The following LRP1B variants were observed in gnomAD, a reference collection of about 807,000 sequenced individuals.
The protein encoded by LRP1B is LDL receptor related protein 1B.
In LRP1B, 217 loss-of-function variants were observed where a neutral mutation model predicts 556.6. That is an observed-to-expected ratio of 0.39 (90% confidence interval 0.35 to 0.44). The LOEUF (loss-of-function observed/expected upper bound fraction) is 0.44. LRP1B is among the 20% of genes least tolerant of loss of function. The pLI is 1.00. For missense variants in LRP1B, 5,053 were observed against 5,620.8 expected, an observed-to-expected ratio of 0.90 and a Z score of 3.23; for synonymous variants, 2,047 against 1,865.8, an observed-to-expected ratio of 1.10 and a Z score of -2.50.
chr2:140,897,587 C>T (rs1693989060), intron 23 of LRP1B, among the ~76,000 whole-genome samples: 1 of 152,172 alleles, frequency 6.6e-6, no homozygotes, highest in Admixed American at 6.5e-5. Context: ...GGCAGACCAA[C>T]CTTTAATCTG....
intron 1 of LRP1B, among the ~76,000 whole-genome samples, chr2:142,123,636 G>A (rs1707535062): frequency 6.6e-6 from 1 of 150,788 alleles, no homozygotes; most frequent in Non-Finnish European, 1.5e-5. Context: ...AAGGCAACAT[G>A]ATCTATCTTC....
intron 1 of LRP1B, among the ~76,000 whole-genome samples, chr2:141,957,139 A>G (rs1164427758): frequency 6.6e-6 from 1 of 151,858 alleles, no homozygotes; most frequent in African/African-American, 2.4e-5. Context: ...GTCATTATAT[A>G]TTTGTATACT....
intron 1 of LRP1B, among the ~76,000 whole-genome samples, chr2:142,108,956 G>A (rs1706862094): frequency 6.6e-6 from 1 of 152,138 alleles, no homozygotes; most frequent in African/African-American, 2.4e-5. Flanking sequence ...ACTAAAGTCA[G>A]ATCACTTGTA....
Position 141,493,472 on chromosome 2 carries a change from G to A in LRP1B, c.206-12939C>T, listed in dbSNP as rs80136048. 8.1e-3 allele frequency among the ~76,000 whole-genome samples: 1,228 copies of A among 152,264 alleles called. 22 individuals carry two copies. The highest frequency in any genetic ancestry group is 0.028 in the African/African-American group (1,151 of 41,542). On this transcript the variant is annotated intron_variant, in intron 2 of 90. Transcript: ENST00000389484. ...GATGAAATATACTGTACAGGTCATA[G>A]CTTTTACCAACAGCCATAAATAGGC...
intron 43 of LRP1B, among the ~76,000 whole-genome samples, chr2:140,582,863 C>T (rs189747508): frequency 6.6e-6 from 1 of 152,224 alleles, no homozygotes; most frequent in African/African-American, 2.4e-5. Context: ...TTTAATTTTC[C>T]AACCATTCAG....
rs377589649 is a variant in LRP1B at position 140,404,743 on chromosome 2, T to G, written c.10415-18734A>C. Among the ~76,000 whole-genome samples, 7 of 152,182 alleles carry G rather than the reference T, an allele frequency of 4.6e-5. No homozygotes were observed. In the East Asian group the frequency reaches 9.7e-4, roughly 21 times the overall value. ...CAAGATAAGGGGTAAAAAACAATAT[T>G]CCACACAAATGGAAACCAAAAGGGA... On this transcript the variant is annotated intron_variant, in intron 66 of 90. Coordinates refer to ENST00000389484, the MANE Select transcript of LRP1B (RefSeq NM_018557.3).
intron 2 of LRP1B, among the ~76,000 whole-genome samples, chr2:141,685,107 T>C (rs1241956436): frequency 6.6e-6 from 1 of 152,060 alleles, no homozygotes; most frequent in Non-Finnish European, 1.5e-5. Context: ...TTCTTTTTCC[T>C]TTTGTTTTCT....
At chr2:140,365,918 C>A (rs1558832343) in intron 71 of LRP1B, among the ~76,000 whole-genome samples, 1 of 151,676 alleles carries the variant, frequency 6.6e-6, no homozygotes, top group Non-Finnish European at 1.5e-5. Context: ...AGCCATTGTT[C>A]CTTTTGCAGA....
intron 86 of LRP1B, among the ~76,000 whole-genome samples, chr2:140,265,091 G>A (rs1389694124): frequency 2.0e-5 from 3 of 150,088 alleles, no homozygotes; most frequent in African/African-American, 7.5e-5. Context: ...TGCTGGGGAT[G>A]TAAGTTTACA....
In LRP1B at chr2:141,013,973, T is replaced by C. The variant is rs116111757; in HGVS notation, c.2191-228A>G. 9.8e-3 allele frequency among the ~76,000 whole-genome samples: 1,496 copies of C among 152,222 alleles called. 25 individuals are homozygous for C. The highest frequency in any genetic ancestry group is 0.033 in the African/African-American group (1,374 of 41,586). On this transcript the variant is annotated intron_variant, in intron 13 of 90. Transcript: ENST00000389484. ...TTTTATCTAAACCATTTATTATTTA[T>C]TATTAAACCATCTATTTTATCAATG...
chr2:141,261,510 G>A lies in LRP1B; in HGVS notation c.344-6869C>T, dbSNP rs76263098. 5.5e-4 allele frequency among the ~76,000 whole-genome samples: 83 copies of A among 152,168 alleles called. 2 individuals carry two copies. The East Asian group carries it at 0.016, about 29-fold the overall frequency. On this transcript the variant is annotated intron_variant, in intron 3 of 90. Transcript: ENST00000389484. ...AAAATACCCCCTTTGCACCTCTACA[G>A]TCAACCCATTGCCCTGCTGACAATT...
chr2:140,847,070 C>T (rs1205180599), intron 29 of LRP1B, among the ~76,000 whole-genome samples: 3 of 152,276 alleles, frequency 2.0e-5, no homozygotes, highest in Admixed American at 2.0e-4. Context: ...TGTTCTTACT[C>T]TTTGATATCT....
At chr2:141,062,030 G>A (rs771505654) in intron 8 of LRP1B, 21 bp downstream of exon 8, 3 of 1,593,012 alleles carry the variant, frequency 1.9e-6, no homozygotes, top group Admixed American at 3.3e-5. Context: ...TAGGAGCGTT[G>A]TCTAACAAAA....
chr2:140,860,347 T>C (rs996219308), intron 27 of LRP1B, among the ~76,000 whole-genome samples: 1 of 152,210 alleles, frequency 6.6e-6, no homozygotes, highest in African/African-American at 2.4e-5. Context: ...TCATTCTCTC[T>C]TTTTCTGGGT....
chr2:141,674,831 T>C (rs1419065220), intron 2 of LRP1B, among the ~76,000 whole-genome samples: 1 of 152,028 alleles, frequency 6.6e-6, no homozygotes, highest in Non-Finnish European at 1.5e-5. Context: ...ATTTGCTTTA[T>C]CAAAGGACAT....
At chr2:140,325,958 A>G in intron 79 of LRP1B, 80 bp from the exon 80 acceptor site, 1 of 853,912 alleles carries the variant, frequency 1.2e-6, no homozygotes, top group Non-Finnish European at 2.0e-6. Flanking sequence ...TTCTTATTGT[A>G]TAATTACACT....
chr2:140,931,792 A>C (rs1416088783), intron 20 of LRP1B, among the ~76,000 whole-genome samples: 2 of 152,170 alleles, frequency 1.3e-5, no homozygotes, highest in Admixed American at 1.3e-4. Flanking sequence ...TATCAGAAGA[A>C]TGATGAACTC....
At chr2:140,548,555 A>C (rs979755363) in intron 43 of LRP1B, among the ~76,000 whole-genome samples, 4 of 152,170 alleles carry the variant, frequency 2.6e-5, no homozygotes, top group Non-Finnish European at 4.4e-5. Flanking sequence ...AAATTGGCAT[A>C]GTTTGGAGAA....
intron 2 of LRP1B, among the ~76,000 whole-genome samples, chr2:141,601,013 G>A (rs987585848): frequency 1.3e-5 from 2 of 152,066 alleles, no homozygotes; most frequent in African/African-American, 2.4e-5. Flanking sequence ...TATCTATACC[G>A]GCACTTGGAG....
Sources: allele counts gnomAD v4.1 joint callset (sites outside exome capture counted in the v4.1 genomes callset), GRCh38; gene constraint gnomAD v4.1.1; transcripts MANE v1.5; gene names NCBI Gene and HGNC (gene_info 2026-07-23, HGNC 2026-07-21).